SEMA3D: variants seen among roughly 807,000 people sequenced by gnomAD.
SEMA3D encodes semaphorin-3D.
A neutral mutation model predicts 100.1 loss-of-function variants in SEMA3D; 84 were observed. The ratio of observed to expected loss-of-function variants is 0.84; its 90% CI spans 0.70 to 1.01. SEMA3D has a LOEUF of 1.01. Ranked by LOEUF, SEMA3D falls within the 50% of genes least tolerant of loss-of-function variation. SEMA3D has a pLI of 0.00. For missense variants in SEMA3D, 875 were observed against 934.1 expected (o/e 0.94, Z 0.82); for synonymous variants, 312 against 320.7 (o/e 0.97, Z 0.29).
the SEMA3D span, among the ~76,000 whole-genome samples, chr7:85,192,381 T>C: frequency 6.6e-6 from 1 of 151,908 alleles, no homozygotes; most frequent in Non-Finnish European, 1.5e-5. Context: ...GTATTATTAT[T>C]ATACAGACAA....
At chr7:85,105,996 G>A (rs1488924585) in intron 3 of SEMA3D, among the ~76,000 whole-genome samples, 1 of 151,990 alleles carries the variant, frequency 6.6e-6, no homozygotes, top group Non-Finnish European at 1.5e-5. Flanking sequence ...ATCCATCATT[G>A]TGAGATTTAT....
Position 85,018,313 on chromosome 7 carries a change from G to A in SEMA3D, c.1504-20C>T, listed in dbSNP as rs749739427. The A allele has an allele frequency of 1.3e-6, 2 of 1,515,682 alleles. No individual in the cohort carries two copies. Among genetic ancestry groups the A allele is most frequent in the South Asian group, 1.1e-5 (1 of 88,702 alleles). 93.9% of individuals were successfully genotyped at this position (1,515,682 alleles called of 1,614,324 possible). A position where few individuals can be genotyped will look rare whatever the true frequency, so the allele number is the denominator to read the frequency against. ...TGAGTGCTGAAAATAGAAGTTAAAT[G>A]TCAATAAAGATAATCATTAACAGGT... On this transcript the variant is annotated intron_variant, in intron 14 of 18. Transcript: ENST00000284136.
the SEMA3D span, among the ~76,000 whole-genome samples, chr7:85,241,485 ATATATATG>A: frequency 7.2e-6 from 1 of 139,048 alleles, no homozygotes; most frequent in South Asian, 2.3e-4. Context: ...ATATATATAT[ATATATATG>A]AATACTACTC....
In SEMA3D at chr7:85,079,410, C is replaced by T. The variant is rs1583901982; in HGVS notation, c.375+2107G>A. On this transcript the variant is annotated intron_variant, in intron 5 of 18. Transcript: ENST00000284136. ...CTTCAGCAAAAAGCAAAAAGCTCCT[C>T]ATATATTTAATCCTGGGTTAGCAGC... 7.2e-5 allele frequency among the ~76,000 whole-genome samples: 11 copies of T among 152,246 alleles called. 1 individual carries two copies. Among genetic ancestry groups the T allele is most frequent in the African/African-American group, 2.4e-5 (1 of 41,554 alleles).
chr7:85,220,805 T>C, the SEMA3D span, among the ~76,000 whole-genome samples: 1 of 152,122 alleles, frequency 6.6e-6, no homozygotes, highest in Non-Finnish European at 1.5e-5. Flanking sequence ...ATTGTTTCTT[T>C]GATCCAAACA....
chr7:85,141,540 T>C, intron 2 of SEMA3D: 1 of 984,866 alleles, frequency 1.0e-6, no homozygotes, highest in Non-Finnish European at 1.2e-6. Flanking sequence ...CACAAAGTCT[T>C]TCTAAGGATA....
intron 18 of SEMA3D, among the ~76,000 whole-genome samples, chr7:85,005,502 T>G (rs758834500): frequency 2.0e-5 from 3 of 152,090 alleles, no homozygotes; most frequent in African/African-American, 7.2e-5. Context: ...GTATTAAGTA[T>G]GTAAAGAGTT....
At chr7:85,229,784 G>A in the SEMA3D span, among the ~76,000 whole-genome samples, 1 of 151,846 alleles carries the variant, frequency 6.6e-6, no homozygotes, top group Non-Finnish European at 1.5e-5. Flanking sequence ...CTAATCCCTT[G>A]CTTCTGTTTT....
At chr7:85,004,704 G>A (rs1369352339) in intron 18 of SEMA3D, among the ~76,000 whole-genome samples, 1 of 151,998 alleles carries the variant, frequency 6.6e-6, no homozygotes, top group Non-Finnish European at 1.5e-5. Flanking sequence ...GACCTTATGG[G>A]TAAGAAGCAG....
At position 85,029,480 on chromosome 7, in the gene SEMA3D, A is replaced by C. The variant is rs999369681; in HGVS notation, c.1192-6867T>G. ...AAACAGAAGATTCTTAGCAAGTGCC[A>C]TGAAATTATCAACTGGCTCGACAAG... On this transcript the variant is annotated intron_variant, in intron 12 of 18. Transcript: ENST00000284136. 3 of 700,690 alleles carry C rather than the reference A, an allele frequency of 4.3e-6. No homozygotes were observed. In the African/African-American group the frequency reaches 5.2e-5, roughly 12 times the overall value. 43.4% of individuals were successfully genotyped at this position (700,690 alleles called of 1,614,324 possible). A position where few individuals can be genotyped will look rare whatever the true frequency, so the allele number is the denominator to read the frequency against.
intron 1 of SEMA3D, among the ~76,000 whole-genome samples, chr7:85,164,131 C>T (rs921496535): frequency 6.6e-5 from 10 of 152,012 alleles, no homozygotes; most frequent in Admixed American, 2.6e-4. Flanking sequence ...TACAGTCAGT[C>T]AGTAGCAGAG....
chr7:85,055,661 T>C (rs949809772), intron 9 of SEMA3D, 56 bp downstream of exon 9: 30 of 114,298 alleles, frequency 2.6e-4, no homozygotes, highest in Middle Eastern at 3.6e-3. Context: ...TATATATATA[T>C]ATATATATAT....
intron 8 of SEMA3D, 49 bp from the exon 9 acceptor site, chr7:85,055,908 T>G (rs777627804): frequency 2.9e-6 from 3 of 1,048,028 alleles, no homozygotes; most frequent in Non-Finnish European, 4.1e-6. Flanking sequence ...AACAATCCAG[T>G]CATCATAGTT....
chr7:85,131,114 A>G (rs1029109465), intron 2 of SEMA3D, among the ~76,000 whole-genome samples: 1 of 152,118 alleles, frequency 6.6e-6, no homozygotes, highest in African/African-American at 2.4e-5. Context: ...TTTTCTATTA[A>G]AACTCGATTT....
intron 3 of SEMA3D, among the ~76,000 whole-genome samples, chr7:85,107,856 C>T (rs1286437294): frequency 1.3e-5 from 2 of 151,880 alleles, no homozygotes; most frequent in Non-Finnish European, 2.9e-5. Context: ...TCCTACTGCC[C>T]GCCATATTAC....
In SEMA3D at chr7:85,097,854, T is replaced by C. The variant is rs754072125; in HGVS notation, c.263A>G (p.Asp88Gly). Residue 88 changes from aspartate (D) to glycine (G), a missense_variant, in exon 4 of 19, where the codon GAC becomes GGC. Physicochemically the swap from Asp to Gly is moderately conservative, Grantham distance 94 (BLOSUM62 -1). Transcript: ENST00000284136. ...AACCAGACTGAGTAGAAAGATGTGG[T>C]CTTTGGCTCCCAAGAGCAGCCTGCC... ...ERGRLLLGAK[D>G]HIFLLSLVDL... The C allele has an allele frequency of 3.5e-5, 56 of 1,609,104 alleles. No individual in the cohort carries two copies. The highest frequency in any genetic ancestry group is 4.7e-5 in the Non-Finnish European group (55 of 1,176,536).
chr7:85,245,558 T>G, the SEMA3D span, among the ~76,000 whole-genome samples: 1 of 152,220 alleles, frequency 6.6e-6, no homozygotes, highest in African/African-American at 2.4e-5. Flanking sequence ...GTTGAAATTT[T>G]TATACCCTTT....
At chr7:85,128,977 G>C (rs1248302202) in intron 2 of SEMA3D, among the ~76,000 whole-genome samples, 1 of 147,782 alleles carries the variant, frequency 6.8e-6, no homozygotes, top group African/African-American at 2.5e-5. Flanking sequence ...TGGCAGCCTG[G>C]ACTTCCTGGG....
intron 2 of SEMA3D, among the ~76,000 whole-genome samples, chr7:85,147,703 A>G (rs1257371391): frequency 1.3e-5 from 2 of 152,078 alleles, no homozygotes; most frequent in East Asian, 3.9e-4. Context: ...ATTTATCCTA[A>G]TGCTTTAGTG....
Sources: allele counts gnomAD v4.1 joint callset (sites outside exome capture counted in the v4.1 genomes callset), GRCh38; gene constraint gnomAD v4.1.1; transcripts MANE v1.5; gene names NCBI Gene and HGNC (gene_info 2026-07-23, HGNC 2026-07-21).